PPARGC1A: variants seen among roughly 807,000 people sequenced by gnomAD.
PPARGC1A encodes PPARG coactivator 1 alpha.
A neutral mutation model predicts 88.7 loss-of-function variants in PPARGC1A; 25 were observed. That is an observed-to-expected ratio of 0.28 (90% CI 0.21 to 0.39). PPARGC1A has a LOEUF of 0.39. Ranked by LOEUF, PPARGC1A falls within the 10% of genes least tolerant of loss-of-function variation. The probability of loss-of-function intolerance (pLI) is 1.00; values close to 1 mark genes in which losing one functional copy is unlikely to be tolerated. For missense variants in PPARGC1A, 880 were observed against 968.7 expected, an observed-to-expected ratio of 0.91 and a Z score of 1.22; for synonymous variants, 363 against 355.6, an observed-to-expected ratio of 1.02 and a Z score of -0.24.
the PPARGC1A span, among the ~76,000 whole-genome samples, chr4:23,922,665 T>C: frequency 2.0e-5 from 3 of 152,222 alleles, no homozygotes; most frequent in Non-Finnish European, 2.9e-5. Flanking sequence ...GGTTTACTCC[T>C]GACAGAGACA....
the PPARGC1A span, among the ~76,000 whole-genome samples, chr4:24,454,680 G>A: frequency 6.6e-6 from 1 of 151,978 alleles, no homozygotes; most frequent in South Asian, 2.1e-4. Context: ...TGAGGCTGCA[G>A]TGAGCCAGGA....
chr4:23,879,340 A>G (rs1715448541), intron 2 of PPARGC1A, among the ~76,000 whole-genome samples: 1 of 152,202 alleles, frequency 6.6e-6, no homozygotes, highest in Non-Finnish European at 1.5e-5. Context: ...GAAAAAAAGC[A>G]GACACCACGT....
chr4:23,946,811 T>C, the PPARGC1A span, among the ~76,000 whole-genome samples: 1 of 150,526 alleles, frequency 6.6e-6, no homozygotes, highest in Admixed American at 6.6e-5. Flanking sequence ...AAAATATATG[T>C]ACACACACAC....
At chr4:24,472,009 G>A in the PPARGC1A span, among the ~76,000 whole-genome samples, 2 of 152,196 alleles carry the variant, frequency 1.3e-5, no homozygotes, top group African/African-American at 4.8e-5. This position sits in a 1 kb window ranked among gnomAD's most constrained non-coding sequence, Gnocchi z 4.5. Flanking sequence ...ACAGGGGCGC[G>A]GCGCCCGCGG....
At chr4:24,018,559 A>G in the PPARGC1A span, among the ~76,000 whole-genome samples, 2 of 152,194 alleles carry the variant, frequency 1.3e-5, no homozygotes, top group South Asian at 2.1e-4. Context: ...CAGAGGCACA[A>G]GTCTCCATTT....
At chr4:24,405,880 G>A in the PPARGC1A span, among the ~76,000 whole-genome samples, 1 of 151,212 alleles carries the variant, frequency 6.6e-6, no homozygotes, top group East Asian at 1.9e-4. Flanking sequence ...TTCCATTTCT[G>A]TCTTCCTCCT....
At chr4:24,083,994 C>T in the PPARGC1A span, among the ~76,000 whole-genome samples, 1 of 152,256 alleles carries the variant, frequency 6.6e-6, no homozygotes, top group East Asian at 1.9e-4. Context: ...TATCATTATC[C>T]AAGTTTGCCC....
At chr4:24,308,198 A>G in the PPARGC1A span, among the ~76,000 whole-genome samples, 1 of 148,626 alleles carries the variant, frequency 6.7e-6, no homozygotes, top group Non-Finnish European at 1.5e-5. Flanking sequence ...AGGCTGAGGC[A>G]GGACAATCTC....
chr4:24,012,431 A>C, the PPARGC1A span, among the ~76,000 whole-genome samples: 1 of 152,118 alleles, frequency 6.6e-6, no homozygotes. Flanking sequence ...CACAGACAGC[A>C]TCTAGCCTGA....
chr4:24,031,614 T>C, the PPARGC1A span, among the ~76,000 whole-genome samples: 2 of 152,146 alleles, frequency 1.3e-5, no homozygotes, highest in Admixed American at 1.3e-4. Flanking sequence ...CTGGCTCCGA[T>C]CATTCTTCGT....
the PPARGC1A span, among the ~76,000 whole-genome samples, chr4:24,457,201 C>T: frequency 3.3e-5 from 5 of 152,286 alleles, no homozygotes; most frequent in Admixed American, 1.3e-4. Context: ...AATGAATAGT[C>T]ACTCCCCCTG....
At chr4:24,370,248 G>A in the PPARGC1A span, among the ~76,000 whole-genome samples, 3 of 151,978 alleles carry the variant, frequency 2.0e-5, no homozygotes, top group Non-Finnish European at 4.4e-5. Flanking sequence ...TTAAAAAAAA[G>A]TGAAATAAAT....
chr4:24,009,758 A>G, the PPARGC1A span, among the ~76,000 whole-genome samples: 2 of 152,178 alleles, frequency 1.3e-5, no homozygotes, highest in African/African-American at 4.8e-5. Context: ...CTTCCCACAA[A>G]CAGGCTGTAG....
At chr4:24,159,326 T>G in the PPARGC1A span, among the ~76,000 whole-genome samples, 1 of 145,660 alleles carries the variant, frequency 6.9e-6, no homozygotes, top group Non-Finnish European at 1.5e-5. Flanking sequence ...TTCTCCTCCC[T>G]CGGCCTCCTG....
At chr4:24,296,996 T>C in the PPARGC1A span, among the ~76,000 whole-genome samples, 357 of 152,030 alleles carry the variant, frequency 2.3e-3, 3 homozygotes, top group African/African-American at 7.8e-3. Context: ...TTGATTCAGG[T>C]AATGGAGAGG....
chr4:24,392,070 TC>T, the PPARGC1A span, among the ~76,000 whole-genome samples: 1 of 152,180 alleles, frequency 6.6e-6, no homozygotes, highest in East Asian at 1.9e-4. Context: ...CTGATAGTTT[TC>T]CTATAGAAAA....
At chr4:24,392,222 T>C in the PPARGC1A span, among the ~76,000 whole-genome samples, 1 of 152,342 alleles carries the variant, frequency 6.6e-6, no homozygotes, top group Non-Finnish European at 1.5e-5. Context: ...CTTTTGTAAA[T>C]GACTGACAAC....
At chr4:23,868,133 T>C (rs989841884) in intron 2 of PPARGC1A, among the ~76,000 whole-genome samples, 10 of 152,000 alleles carry the variant, frequency 6.6e-5, no homozygotes, top group African/African-American at 2.2e-4. Flanking sequence ...CCTTTCCTCT[T>C]CTCGGGGAGA....
the PPARGC1A span, among the ~76,000 whole-genome samples, chr4:23,963,290 G>A: frequency 5.3e-5 from 8 of 152,188 alleles, no homozygotes; most frequent in East Asian, 1.2e-3. Context: ...CTATTACCAT[G>A]AACAATATCA....
Sources: gnomAD v4.1 joint callset for allele counts (sites outside exome capture counted in the v4.1 genomes callset) on GRCh38, gnomAD v4.1.1 for gene constraint, Gnocchi (gnomAD v3.1) non-coding constraint, MANE v1.5 for transcripts, NCBI Gene and HGNC (gene_info 2026-07-23, HGNC 2026-07-21) for gene names.